Variants in GRAMD1B observed in about 807,000 individuals in gnomAD.
GRAMD1B encodes GRAM domain containing 1B, also known as protein Aster-B.
Under a neutral mutation model 99.7 loss-of-function variants are expected in GRAMD1B, and 37 were observed. The ratio of observed to expected loss-of-function variants is 0.37; its 90% CI spans 0.29 to 0.49. The LOEUF (loss-of-function observed/expected upper bound fraction) is 0.49, where lower values mean the gene tolerates loss of function less well. Ranked by LOEUF, GRAMD1B falls within the 20% of genes least tolerant of loss-of-function variation. The pLI is 0.98. For missense variants in GRAMD1B, 888 were observed against 1,009.2 expected (o/e 0.88, Z 1.63); for synonymous variants, 427 against 387.6 (o/e 1.10, Z -1.19).
At chr11:123,546,599 C>T (rs1246884864) in intron 2 of GRAMD1B, among the ~76,000 whole-genome samples, 1 of 152,144 alleles carries the variant, frequency 6.6e-6, no homozygotes, top group African/African-American at 2.4e-5. Flanking sequence ...CCAGTGAGGT[C>T]TGGGAGTAAT....
chr11:123,580,620 C>T (rs533397407), intron 3 of GRAMD1B, among the ~76,000 whole-genome samples: 13 of 152,240 alleles, frequency 8.5e-5, no homozygotes, highest in Non-Finnish European at 1.8e-4. Context: ...CCCGACCCCT[C>T]TGGATCCATC....
At chr11:123,418,312 C>G (rs1216010458) in intron 1 of GRAMD1B, among the ~76,000 whole-genome samples, 1 of 152,080 alleles carries the variant, frequency 6.6e-6, no homozygotes, top group African/African-American at 2.4e-5. Context: ...GAAGATTTGC[C>G]CATCTGGAGA....
At chr11:123,513,504 CTCTT>C (rs1555049963) in intron 2 of GRAMD1B, among the ~76,000 whole-genome samples, 5 of 148,332 alleles carry the variant, frequency 3.4e-5, no homozygotes, top group East Asian at 2.0e-4. Context: ...TTCTCCCTCT[CTCTT>C]TCTTTCTTTC....
chr11:123,607,585 G>A (rs963055072), intron 11 of GRAMD1B, among the ~76,000 whole-genome samples: 4 of 152,328 alleles, frequency 2.6e-5, no homozygotes, highest in African/African-American at 9.6e-5. Flanking sequence ...TGACTGCATG[G>A]GTTAGATACT....
At chr11:123,446,935 G>T (rs547723386) in intron 1 of GRAMD1B, among the ~76,000 whole-genome samples, 7 of 151,708 alleles carry the variant, frequency 4.6e-5, no homozygotes, top group Non-Finnish European at 7.4e-5. Flanking sequence ...AGAAAGGAAA[G>T]AAAGAAAAAG....
chr11:123,619,029 C>A, intron 18 of GRAMD1B, 78 bp from the exon 19 acceptor site: 1 of 804,742 alleles, frequency 1.2e-6, no homozygotes, highest in Middle Eastern at 3.0e-4. Flanking sequence ...ACTCTCTGTC[C>A]TTTAGGGGTC....
chr11:123,460,268 C>T (rs1950347449), intron 1 of GRAMD1B: 1 of 152,068 alleles, frequency 6.6e-6, no homozygotes, highest in Admixed American at 6.6e-5. Flanking sequence ...GGAGTTTAAT[C>T]CTGAGTGGAA....
rs116112680 is a variant in GRAMD1B at position 123,479,144 on chromosome 11, G to A, written c.375-1672G>A. 4.9e-3 allele frequency among the ~76,000 whole-genome samples: 741 copies of A among 152,348 alleles called. 3 individuals carry two copies. Among genetic ancestry groups the A allele is most frequent in the Non-Finnish European group, 8.1e-3 (549 of 68,036 alleles). On this transcript the variant is annotated intron_variant, in intron 1 of 19. Coordinates refer to ENST00000635736, the MANE Select transcript of GRAMD1B (RefSeq NM_001387025.1). ...TGGAAGGGAAGGAGAAAGGGATTCC[G>A]TACACAGTGAGTTCTGCCGAGCAGC... is the stretch of plus-strand genomic sequence containing the variant.
intron 1 of GRAMD1B, among the ~76,000 whole-genome samples, chr11:123,478,113 T>G (rs1298186882): frequency 1.3e-5 from 2 of 152,112 alleles, no homozygotes; most frequent in Non-Finnish European, 2.9e-5. Context: ...TCTTTCTTTG[T>G]CCTTCCTTCC....
chr11:123,511,241 A>C (rs1187069978), intron 2 of GRAMD1B, among the ~76,000 whole-genome samples: 1 of 152,146 alleles, frequency 6.6e-6, no homozygotes. Flanking sequence ...AAAAGCAGAG[A>C]CTGCCTCTCA....
intron 2 of GRAMD1B, among the ~76,000 whole-genome samples, chr11:123,499,414 G>A (rs544441058): frequency 1.3e-5 from 2 of 152,136 alleles, no homozygotes; most frequent in African/African-American, 2.4e-5. Context: ...CAGAAAAAAG[G>A]ACTAAAATAC....
At chr11:123,436,279 A>G (rs1005527184) in intron 1 of GRAMD1B, among the ~76,000 whole-genome samples, 1 of 151,998 alleles carries the variant, frequency 6.6e-6, no homozygotes, top group Non-Finnish European at 1.5e-5. Context: ...CACCCTCTCC[A>G]TCCCATTTCC....
At chr11:123,454,799 G>C (rs1950037559) in intron 1 of GRAMD1B, 1 of 152,204 alleles carries the variant, frequency 6.6e-6, no homozygotes, top group African/African-American at 2.4e-5. Flanking sequence ...ACTTTTCTTA[G>C]AAAAGTCTGA....
intron 1 of GRAMD1B, among the ~76,000 whole-genome samples, chr11:123,474,978 G>T (rs1951194678): frequency 6.6e-6 from 1 of 152,130 alleles, no homozygotes; most frequent in Non-Finnish European, 1.5e-5. Flanking sequence ...CCCCTTCTGG[G>T]CATAGGAAGC....
At chr11:123,551,682 G>A (rs1174967209) in intron 2 of GRAMD1B, among the ~76,000 whole-genome samples, 1 of 152,136 alleles carries the variant, frequency 6.6e-6, no homozygotes, top group African/African-American at 2.4e-5. Flanking sequence ...GCATAATTAA[G>A]GCAAATTAGA....
At chr11:123,582,500 T>C (rs973063551) in intron 3 of GRAMD1B, among the ~76,000 whole-genome samples, 2 of 152,144 alleles carry the variant, frequency 1.3e-5, no homozygotes, top group African/African-American at 4.8e-5. Context: ...GGTGACAGGT[T>C]GGGAAGTGAC....
chr11:123,401,696 C>A (rs1433321981), intron 1 of GRAMD1B, among the ~76,000 whole-genome samples: 2 of 152,058 alleles, frequency 1.3e-5, no homozygotes, highest in East Asian at 3.9e-4. Flanking sequence ...AGAGCCTGGA[C>A]AGCATAGTGA....
At position 123,430,599 on chromosome 11, in the gene GRAMD1B, A is replaced by G. The variant is rs573125818; in HGVS notation, c.-194A>G. 36 of 467,700 alleles carry G rather than the reference A, an allele frequency of 7.7e-5. No homozygotes were observed. The highest frequency in any genetic ancestry group is 7.2e-4 in the African/African-American group (35 of 48,912). The allele number at this position is 467,700 out of a possible 1,614,324, so 29.0% of individuals were successfully genotyped here. On this transcript the variant is annotated 5_prime_UTR_variant, in exon 1 of 20. Transcript: ENST00000635736. ...CGGAGGACGCGCGCTCCGAAAAGTT[A>G]GACTCCGGGCGGCGGCGCGCTACGC...
chr11:123,525,800 C>T (rs1942659336), intron 2 of GRAMD1B: 2 of 307,458 alleles, frequency 6.5e-6, no homozygotes, highest in Admixed American at 9.0e-5. Context: ...CTGTTGACGG[C>T]AACTCCAGGG....
Sources: allele counts gnomAD v4.1 joint callset (sites outside exome capture counted in the v4.1 genomes callset), GRCh38; gene constraint gnomAD v4.1.1; transcripts MANE v1.5; gene names NCBI Gene and HGNC (gene_info 2026-07-23, HGNC 2026-07-21).